Variants in CCDC174 observed in about 807,000 individuals in gnomAD.
CCDC174 encodes coiled-coil domain containing 174.
A neutral mutation model predicts 57.1 loss-of-function variants in CCDC174; 37 were observed. The observed-to-expected ratio is 0.65, with a 90% CI of 0.50 to 0.85. The LOEUF (loss-of-function observed/expected upper bound fraction) is 0.85, where lower values mean the gene tolerates loss of function less well. CCDC174 is among the 40% of genes least tolerant of loss of function. The pLI is 0.00. For synonymous variants in CCDC174, 182 were observed against 190.2 expected, an observed-to-expected ratio of 0.96 and a Z score of 0.35; for missense variants, 540 against 574.3, an observed-to-expected ratio of 0.94 and a Z score of 0.61.
intron 6 of CCDC174, among the ~76,000 whole-genome samples, chr3:14,665,620 G>A (rs2031306970): frequency 6.6e-6 from 1 of 152,154 alleles, no homozygotes; most frequent in Non-Finnish European, 1.5e-5. Flanking sequence ...ACATCCAGGG[G>A]AATAAATTCC....
At chr3:14,663,216 A>G (rs1236786481) in intron 5 of CCDC174, among the ~76,000 whole-genome samples, 1 of 152,072 alleles carries the variant, frequency 6.6e-6, no homozygotes. Flanking sequence ...TATGTTGCCT[A>G]GGCTCTTCTT....
intron 1 of CCDC174, 97 bp from the exon 2 acceptor site, chr3:14,654,329 C>A: frequency 1.4e-6 from 1 of 690,748 alleles, no homozygotes; most frequent in Non-Finnish European, 2.5e-6. Context: ...GTCCATTTAG[C>A]GGAACTTGAA....
intron 2 of CCDC174, 81 bp from the exon 3 acceptor site, chr3:14,655,448 G>GTT (rs74694927): frequency 1.1e-3 from 727 of 678,012 alleles, no homozygotes; most frequent in African/African-American, 2.4e-3. Context: ...GATCTCCTTT[G>GTT]TTTTTTTTTT....
intron 3 of CCDC174, among the ~76,000 whole-genome samples, chr3:14,656,051 CCT>C (rs1286258376): frequency 1.3e-5 from 2 of 151,728 alleles, no homozygotes; most frequent in Admixed American, 6.6e-5. Flanking sequence ...ATGTGCTTTC[CCT>C]CTCTCTCTCT....
chr3:14,651,910 T>C (rs1270924390), intron 1 of CCDC174, 32 bp downstream of exon 1: 1 of 1,609,034 alleles, frequency 6.2e-7, no homozygotes, highest in Admixed American at 1.7e-5. Context: ...CTCCACGGGC[T>C]CCGGGTTCAC....
At chr3:14,669,019 G>C (rs1416123257) in intron 9 of CCDC174, among the ~76,000 whole-genome samples, 1 of 152,206 alleles carries the variant, frequency 6.6e-6, no homozygotes, top group Admixed American at 6.5e-5. Flanking sequence ...TTCCTTTTTA[G>C]AGATGTGAGT....
rs559778485 is a variant in CCDC174, at chr3:14,666,819, C to G, written c.596C>G (p.Ala199Gly). Residue 199 changes from alanine (A) to glycine (G), a missense_variant, in exon 7 of 11, where the codon GCT (alanine) becomes GGT (glycine). Transcript: ENST00000383794. Reference protein sequence around the residue: ...NLQGRLFISPANEKTLLSEDM... With the variant: ...NLQGRLFISPGNEKTLLSEDM... ...TTTCCTGCTAGTTTTATTAGTCCTG[C>G]TAATGAAAAAACCCTATTATCTGAA... 6.3e-7 allele frequency: 1 copy of G among 1,579,988 alleles called. No individual in the cohort carries two copies. The highest frequency in any genetic ancestry group is 1.2e-5 in the South Asian group (1 of 84,974).
At chr3:14,663,074 A>G (rs1015568506) in intron 5 of CCDC174, among the ~76,000 whole-genome samples, 1 of 152,144 alleles carries the variant, frequency 6.6e-6, no homozygotes, top group African/African-American at 2.4e-5. Flanking sequence ...TTTTTGAGGC[A>G]GGGTCTCCAC....
At position 14,671,641 on chromosome 3, in the gene CCDC174, G is replaced by A. The variant is rs1259899471; in HGVS notation, c.*447G>A. On this transcript the variant is annotated 3_prime_UTR_variant, in exon 11 of 11. Coordinates refer to ENST00000383794, the MANE Select transcript of CCDC174 (RefSeq NM_016474.5). ...AGGAATTTCTCCCTGTCAAGCAGTG[G>A]AAAACTGCATGGGAGGCAAAATGCT... 1 of 154,622 alleles carries A rather than the reference G, an allele frequency of 6.5e-6. No individual in the cohort carries two copies. The highest frequency in any genetic ancestry group is 1.9e-4 in the East Asian group (1 of 5,236). 9.6% of individuals were successfully genotyped at this position (154,622 alleles called of 1,614,324 possible). A position where few individuals can be genotyped will look rare whatever the true frequency, so the allele number is the denominator to read the frequency against.
chr3:14,655,315 A>G (rs150320136), intron 2 of CCDC174, among the ~76,000 whole-genome samples: 1,529 of 135,700 alleles, frequency 0.011, 23 homozygotes, highest in African/African-American at 0.045. Context: ...TGTCTCAAAG[A>G]AAAAAAAAAA....
intron 6 of CCDC174, among the ~76,000 whole-genome samples, chr3:14,666,029 C>A (rs560449295): frequency 3.9e-3 from 416 of 107,660 alleles, no homozygotes; most frequent in African/African-American, 0.016. Flanking sequence ...CAGAGCGAGA[C>A]TCCGTCTCAA....
At chr3:14,660,908 T>G (rs1255784898) in intron 4 of CCDC174, among the ~76,000 whole-genome samples, 2 of 152,262 alleles carry the variant, frequency 1.3e-5, no homozygotes, top group Non-Finnish European at 2.9e-5. Context: ...TGTTTAACTT[T>G]CAGTGTGTGT....
intron 5 of CCDC174, among the ~76,000 whole-genome samples, chr3:14,662,359 GTTCCAGGCTA>G (rs2031171293): frequency 1.5e-5 from 2 of 135,758 alleles, no homozygotes; most frequent in African/African-American, 5.7e-5. Flanking sequence ...AGAAGTAAGT[GTTCCAGGCTA>G]CACAAGAAAG....
At chr3:14,652,252 C>T (rs187446167) in intron 1 of CCDC174, among the ~76,000 whole-genome samples, 17 of 152,236 alleles carry the variant, frequency 1.1e-4, no homozygotes, top group Admixed American at 6.5e-5. Context: ...GCAGACATAT[C>T]CTCTTCCTGG....
intron 5 of CCDC174, among the ~76,000 whole-genome samples, chr3:14,664,025 A>C (rs2031237497): frequency 6.6e-6 from 1 of 151,834 alleles, no homozygotes; most frequent in South Asian, 2.1e-4. Flanking sequence ...ATCTGGCTAG[A>C]TGGTTTTCTT....
intron 5 of CCDC174, among the ~76,000 whole-genome samples, chr3:14,664,586 A>G (rs1246501604): frequency 6.6e-6 from 1 of 152,256 alleles, no homozygotes; most frequent in African/African-American, 2.4e-5. Context: ...GGGTAGAATT[A>G]TACCAATTAG....
rs145986405 is a variant in CCDC174, at chr3:14,657,817, C to G, written c.249-1054C>G. 3.9e-3 allele frequency among the ~76,000 whole-genome samples: 600 copies of G among 152,364 alleles called. 4 individuals are homozygous for G. Among genetic ancestry groups the G allele is most frequent in the Middle Eastern group, 0.014 (4 of 294 alleles). ...GGTTGGCTGCTTCTTGCTGTGCAAG[C>G]CATGGCTCCGTTTTCATGTTCAGAG... is the stretch of plus-strand genomic sequence containing the variant. On this transcript the variant is annotated intron_variant, in intron 3 of 10. Coordinates refer to ENST00000383794, the MANE Select transcript of CCDC174 (RefSeq NM_016474.5).
At chr3:14,654,737 G>A (rs1457463343) in intron 2 of CCDC174, among the ~76,000 whole-genome samples, 2 of 152,128 alleles carry the variant, frequency 1.3e-5, no homozygotes, top group Non-Finnish European at 2.9e-5. Context: ...TAATTCTTTA[G>A]CACTTCTTTT....
chr3:14,661,024 A>C (rs2124838089), intron 4 of CCDC174, among the ~76,000 whole-genome samples: 1 of 152,300 alleles, frequency 6.6e-6, no homozygotes, highest in East Asian at 1.9e-4. Flanking sequence ...ATTGGTGTTC[A>C]TTGGCTTGAC....
Sources: gnomAD v4.1 joint callset for allele counts (sites outside exome capture counted in the v4.1 genomes callset) on GRCh38, gnomAD v4.1.1 for gene constraint, MANE v1.5 for transcripts, NCBI Gene and HGNC (gene_info 2026-07-23, HGNC 2026-07-21) for gene names.